The following SPEF2 variants were observed in gnomAD, a reference collection of about 807,000 sequenced individuals.
SPEF2 encodes sperm flagella and cilia-associated protein 2.
SPEF2 carries 187 observed loss-of-function variants against 224.6 expected under a neutral mutation model. The observed-to-expected ratio is 0.83, with a 90% CI of 0.74 to 0.94. The LOEUF is 0.94. Among genes scored for constraint, SPEF2 ranks in the 40% least tolerant of loss-of-function variants. The probability of loss-of-function intolerance (pLI) is 0.00; values close to 1 mark genes in which losing one functional copy is unlikely to be tolerated. For missense variants in SPEF2, 2,170 were observed against 2,135.6 expected, an observed-to-expected ratio of 1.02 and a Z score of -0.32; for synonymous variants, 715 against 707.3, an observed-to-expected ratio of 1.01 and a Z score of -0.17.
intron 10 of SPEF2, among the ~76,000 whole-genome samples, chr5:35,676,212 TAGAG>T (rs1751978165): frequency 6.6e-6 from 1 of 152,124 alleles, no homozygotes; most frequent in Non-Finnish European, 1.5e-5. Context: ...CTTGATCACA[TAGAG>T]AGAAGCCAGC....
intron 2 of SPEF2, among the ~76,000 whole-genome samples, chr5:35,635,685 T>A (rs1348046700): frequency 9.2e-5 from 14 of 152,200 alleles, no homozygotes; most frequent in African/African-American, 3.4e-4. Context: ...CCAAAATACA[T>A]GATTCTGATG....
At chr5:35,771,830 A>G (rs1752897194) in intron 27 of SPEF2, 74 bp downstream of exon 27, 2 of 1,508,424 alleles carry the variant, frequency 1.3e-6, no homozygotes, top group Admixed American at 2.3e-5. Context: ...ATTTAACTGG[A>G]CACATTATTA....
At chr5:35,673,652 A>T (rs889518875) in intron 10 of SPEF2, among the ~76,000 whole-genome samples, 1 of 152,158 alleles carries the variant, frequency 6.6e-6, no homozygotes, top group Non-Finnish European at 1.5e-5. Context: ...GTTGTTCATG[A>T]TTTTTAATTG....
chr5:35,714,636 T>A (rs944597511), intron 20 of SPEF2, among the ~76,000 whole-genome samples: 4 of 151,706 alleles, frequency 2.6e-5, no homozygotes, highest in African/African-American at 9.6e-5. Context: ...AGCTATTAAG[T>A]CCAGCTTGTT....
chr5:35,621,817 T>G (rs956934479), intron 1 of SPEF2, among the ~76,000 whole-genome samples: 1 of 152,198 alleles, frequency 6.6e-6, no homozygotes, highest in Non-Finnish European at 1.5e-5. Context: ...ATATGTGCTG[T>G]GTTTTACTTT....
chr5:35,782,230 CA>C (rs1407820775), intron 30 of SPEF2, among the ~76,000 whole-genome samples: 1 of 152,202 alleles, frequency 6.6e-6, no homozygotes, highest in African/African-American at 2.4e-5. Context: ...TTTCAAAACA[CA>C]ATCTTAGTGA....
At chr5:35,763,301 G>A (rs190239124) in intron 25 of SPEF2, among the ~76,000 whole-genome samples, 135 of 150,954 alleles carry the variant, frequency 8.9e-4, no homozygotes, top group Admixed American at 7.9e-3. Flanking sequence ...ATGGGTTTTT[G>A]TTGTTTGCTT....
intron 34 of SPEF2, among the ~76,000 whole-genome samples, chr5:35,800,977 G>A (rs975799107): frequency 6.6e-6 from 1 of 152,166 alleles, no homozygotes; most frequent in African/African-American, 2.4e-5. Flanking sequence ...ATTCATGGGA[G>A]GGAAGAGATA....
At chr5:35,718,186 T>G (rs1377531597) in intron 20 of SPEF2, among the ~76,000 whole-genome samples, 2 of 152,204 alleles carry the variant, frequency 1.3e-5, no homozygotes, top group Non-Finnish European at 2.9e-5. Flanking sequence ...ACTCTTTTGC[T>G]GGCATGTCAG....
At chr5:35,628,189 T>A (rs973728947) in intron 1 of SPEF2, among the ~76,000 whole-genome samples, 10 of 152,016 alleles carry the variant, frequency 6.6e-5, no homozygotes, top group Non-Finnish European at 1.0e-4. Flanking sequence ...GGTAGCATTT[T>A]AAAAAAAAAT....
intron 21 of SPEF2, among the ~76,000 whole-genome samples, chr5:35,739,676 G>A (rs1251314756): frequency 2.0e-5 from 3 of 152,030 alleles, no homozygotes; most frequent in South Asian, 2.1e-4. Flanking sequence ...CCACCACCAC[G>A]ACCGCCCGCC....
intron 10 of SPEF2, among the ~76,000 whole-genome samples, chr5:35,674,897 T>A (rs963823001): frequency 6.6e-6 from 1 of 152,184 alleles, no homozygotes; most frequent in African/African-American, 2.4e-5. Flanking sequence ...AACTTTTAAT[T>A]TCACATGAAG....
At chr5:35,771,214 T>C (rs1050955668) in intron 26 of SPEF2, among the ~76,000 whole-genome samples, 1 of 152,102 alleles carries the variant, frequency 6.6e-6, no homozygotes, top group African/African-American at 2.4e-5. Flanking sequence ...GAAACATTGA[T>C]ACAGAGAAAT....
chr5:35,686,502 A>G (rs965885026), intron 10 of SPEF2, among the ~76,000 whole-genome samples: 1 of 152,116 alleles, frequency 6.6e-6, no homozygotes, highest in Non-Finnish European at 1.5e-5. Flanking sequence ...GTATGTAAAT[A>G]AAAAATCTTA....
At position 35,630,703 on chromosome 5, in the gene SPEF2, GA is replaced by G. The variant is rs201930196; in HGVS notation, c.161+2150del. Among the ~76,000 whole-genome samples the G allele has an allele frequency of 4.7e-5, 7 of 150,416 alleles. No individual in the cohort carries two copies. In the South Asian group the frequency reaches 6.3e-4, roughly 14 times the overall value. On this transcript the variant is annotated intron_variant, in intron 2 of 36. Transcript: ENST00000356031. ...AGAGCGAGACTCCGTCTCAAAAAAA[GA>G]AAAAAAAAGAAATTTCTTCCACCAG...
At chr5:35,751,726 C>T (rs886339590) in intron 23 of SPEF2, among the ~76,000 whole-genome samples, 4 of 152,072 alleles carry the variant, frequency 2.6e-5, no homozygotes, top group African/African-American at 9.7e-5. Context: ...ATTCCATAAA[C>T]ACAATGTCAC....
intron 26 of SPEF2, among the ~76,000 whole-genome samples, chr5:35,767,681 A>G (rs1165827651): frequency 2.6e-5 from 4 of 152,164 alleles, no homozygotes; most frequent in Non-Finnish European, 5.9e-5. Flanking sequence ...TAGTAGATTT[A>G]TAGCCCAAAT....
At chr5:35,668,099 G>T (rs909841019) in intron 9 of SPEF2, among the ~76,000 whole-genome samples, 3 of 152,040 alleles carry the variant, frequency 2.0e-5, no homozygotes, top group Non-Finnish European at 4.4e-5. Flanking sequence ...AAACAGTTTG[G>T]CAATTTCTTA....
chr5:35,712,490 G>GTGAT (rs1159337759), intron 19 of SPEF2, among the ~76,000 whole-genome samples: 2 of 152,160 alleles, frequency 1.3e-5, no homozygotes, highest in African/African-American at 4.8e-5. Context: ...AAATGGATTT[G>GTGAT]TGATTAACTT....
Sources: gnomAD v4.1 joint callset for allele counts (sites outside exome capture counted in the v4.1 genomes callset) on GRCh38, gnomAD v4.1.1 for gene constraint, MANE v1.5 for transcripts, NCBI Gene and HGNC (gene_info 2026-07-23, HGNC 2026-07-21) for gene names.